The following FBXL5 variants were observed in gnomAD, a reference collection of about 807,000 sequenced individuals.
FBXL5 encodes F-box and leucine rich repeat protein 5.
In FBXL5, 26 loss-of-function variants were observed where a neutral mutation model predicts 78.3. That is an observed-to-expected ratio of 0.33 (90% CI 0.24 to 0.46). FBXL5 has a LOEUF of 0.46. Among genes scored for constraint, FBXL5 ranks in the 20% least tolerant of loss-of-function variants. The pLI, the probability that FBXL5 is intolerant of heterozygous loss-of-function variation, is 1.00. For synonymous variants in FBXL5, 295 were observed against 282.5 expected (o/e 1.04, Z -0.45); for missense variants, 710 against 829.2 (o/e 0.86, Z 1.77).
At chr4:15,670,719 A>G (rs79256345) in intron 1 of FBXL5, among the ~76,000 whole-genome samples, 43,248 of 151,688 alleles carry the variant, frequency 0.29, 6,393 homozygotes, top group East Asian at 0.47. Flanking sequence ...GGAAAAAAAA[A>G]AACATTCTTA....
At chr4:15,661,206 G>A (rs1195617425), upstream of FBXL5, among the ~76,000 whole-genome samples, 1 of 152,120 alleles carries the variant, frequency 6.6e-6, no homozygotes, top group Non-Finnish European at 1.5e-5. Context: ...ACTACTATAG[G>A]TGTTTCCCCT....
chr4:15,617,723 C>T (rs749900348), intron 9 of FBXL5, among the ~76,000 whole-genome samples: 8 of 152,058 alleles, frequency 5.3e-5, no homozygotes, highest in Non-Finnish European at 7.4e-5. Flanking sequence ...AACCAAATAC[C>T]GCATGTTCTC....
At chr4:15,633,617 A>C (rs1305748599) in intron 5 of FBXL5, among the ~76,000 whole-genome samples, 1 of 152,198 alleles carries the variant, frequency 6.6e-6, no homozygotes, top group Non-Finnish European at 1.5e-5. Context: ...TTCTGGAGAC[A>C]GAGTCTCACT....
chr4:15,636,707 A>G, intron 4 of FBXL5, 31 bp from the exon 5 acceptor site: 1 of 1,470,272 alleles, frequency 6.8e-7, no homozygotes, highest in Non-Finnish European at 9.1e-7. Context: ...TTTACCAGTA[A>G]AGGCTAAAGA....
intron 9 of FBXL5, among the ~76,000 whole-genome samples, chr4:15,617,784 A>G (rs1437622070): frequency 6.6e-6 from 1 of 152,164 alleles, no homozygotes; most frequent in African/African-American, 2.4e-5. Context: ...ATGGAAGGAA[A>G]CAACACATAC....
At chr4:15,617,813 G>A (rs774671289) in intron 9 of FBXL5, among the ~76,000 whole-genome samples, 15 of 152,248 alleles carry the variant, frequency 9.9e-5, no homozygotes, top group South Asian at 6.2e-4. Context: ...GTCAAATGGC[G>A]GTGGGTGGGA....
intron 5 of FBXL5, among the ~76,000 whole-genome samples, chr4:15,633,667 C>T (rs778710744): frequency 2.4e-4 from 37 of 152,322 alleles, no homozygotes; most frequent in Non-Finnish European, 3.7e-4. Context: ...AGTCTCCGCT[C>T]ACTGCAAACT....
intron 1 of FBXL5, among the ~76,000 whole-genome samples, chr4:15,653,752 T>C (rs1345321719): frequency 6.6e-6 from 1 of 152,196 alleles, no homozygotes; most frequent in Non-Finnish European, 1.5e-5. Context: ...TTCAGGGATA[T>C]ACCCTCTTGC....
chr4:15,667,181 G>C (rs1300484102), intron 1 of FBXL5, among the ~76,000 whole-genome samples: 1 of 152,190 alleles, frequency 6.6e-6, no homozygotes, highest in Non-Finnish European at 1.5e-5. Context: ...ACACGTCGTA[G>C]TACTTAGGTT....
chr4:15,639,429 T>C (rs1303708504), intron 3 of FBXL5, among the ~76,000 whole-genome samples: 1 of 152,230 alleles, frequency 6.6e-6, no homozygotes, highest in East Asian at 1.9e-4. Context: ...TACTGAGACA[T>C]TTAACTTTTC....
chr4:15,630,894 C>T (rs1713562912), intron 5 of FBXL5, 103 bp from the exon 6 acceptor site: 2 of 1,425,426 alleles, frequency 1.4e-6, no homozygotes, highest in South Asian at 1.3e-5. Context: ...AAAGAGAAAA[C>T]ATCTGAGCCC....
At chr4:15,631,530 A>AC (rs962954848) in intron 5 of FBXL5, among the ~76,000 whole-genome samples, 2 of 152,232 alleles carry the variant, frequency 1.3e-5, no homozygotes, top group Non-Finnish European at 2.9e-5. Context: ...TTACACTCCC[A>AC]CCAACAGTGT....
At chr4:15,640,066 G>A (rs753449584) in intron 3 of FBXL5, among the ~76,000 whole-genome samples, 3 of 151,980 alleles carry the variant, frequency 2.0e-5, no homozygotes, top group Non-Finnish European at 2.9e-5. Context: ...TTGGAGACAC[G>A]GTCTTGCTCT....
At chr4:15,635,850 T>C (rs974673135) in intron 5 of FBXL5, among the ~76,000 whole-genome samples, 1 of 151,316 alleles carries the variant, frequency 6.6e-6, no homozygotes. Context: ...ATTTAACCCA[T>C]AACTGCATTA....
chr4:15,630,370 T>C (rs3822258), intron 6 of FBXL5, among the ~76,000 whole-genome samples: 13,873 of 152,206 alleles, frequency 0.091, 760 homozygotes, highest in Non-Finnish European at 0.12. Flanking sequence ...TAAAATCACA[T>C]TGTAAACTAC....
chr4:15,626,254 A>G (rs1042140039), intron 8 of FBXL5, among the ~76,000 whole-genome samples: 3 of 152,232 alleles, frequency 2.0e-5, no homozygotes, highest in African/African-American at 7.2e-5. Context: ...TCCTAAAAGT[A>G]GTCAGCAGAA....
chr4:15,645,663 A>G (rs1416426779), intron 1 of FBXL5, among the ~76,000 whole-genome samples: 1 of 151,838 alleles, frequency 6.6e-6, no homozygotes, highest in African/African-American at 2.4e-5. Context: ...TCCTGACCAC[A>G]TGATCCACCC....
Position 15,625,758 on chromosome 4 carries a change from G to T in FBXL5, c.1344C>A (p.His448Gln). ...CTCCAATGCCCTTGTTAGTTAAATC[G>T]TGCAAACAGGCATACTGCTTGGTGG... The part of the protein sequence containing the change: ...MQSTKQYACL[H>Q]DLTNKGIGEE... The change falls in exon 9 of 11, where the codon CAC becomes CAA. Residue 448 changes from histidine to glutamine, a missense_variant. Physicochemically the swap from His to Gln is conservative, Grantham distance 24. Transcript: ENST00000341285. 1 of 1,614,108 alleles carries T rather than the reference G, an allele frequency of 6.2e-7. No homozygotes were observed.
chr4:15,628,208 A>C (rs1047954325), intron 6 of FBXL5, among the ~76,000 whole-genome samples, 175 bp from the exon 7 acceptor site: 2 of 152,208 alleles, frequency 1.3e-5, no homozygotes, highest in Non-Finnish European at 2.9e-5. Flanking sequence ...GAAAACTGAA[A>C]AGAACAGCAA....
Sources: gnomAD v4.1 joint callset for allele counts (sites outside exome capture counted in the v4.1 genomes callset) on GRCh38, gnomAD v4.1.1 for gene constraint, MANE v1.5 for transcripts, NCBI Gene and HGNC (gene_info 2026-07-23, HGNC 2026-07-21) for gene names.